The following ABI1 variants were observed in gnomAD, a reference collection of about 807,000 sequenced individuals.
ABI1 encodes the protein abl interactor 1.
ABI1 carries 14 observed loss-of-function variants against 54.6 expected under a neutral mutation model. The ratio of observed to expected loss-of-function variants is 0.26; its 90% CI spans 0.17 to 0.40. The LOEUF is 0.40. Among genes scored for constraint, ABI1 ranks in the 10% least tolerant of loss-of-function variants. The probability of loss-of-function intolerance (pLI) is 1.00; values close to 1 mark genes in which losing one functional copy is unlikely to be tolerated. For missense variants in ABI1, 443 were observed against 598.3 expected, an observed-to-expected ratio of 0.74 and a Z score of 2.71; for synonymous variants, 194 against 209.3, an observed-to-expected ratio of 0.93 and a Z score of 0.63.
intron 1 of ABI1, among the ~76,000 whole-genome samples, chr10:26,859,254 T>A (rs2051101233): frequency 6.6e-6 from 1 of 151,500 alleles, no homozygotes; most frequent in African/African-American, 2.4e-5. Flanking sequence ...GAAAAAAAAA[T>A]TGTGAAGATA....
At chr10:26,847,641 A>C (rs2050079395) in intron 1 of ABI1, among the ~76,000 whole-genome samples, 1 of 151,922 alleles carries the variant, frequency 6.6e-6, no homozygotes, top group East Asian at 1.9e-4. Flanking sequence ...AACAAGCAAA[A>C]TTTGATTATT....
Position 26,819,787 on chromosome 10 carries a change from T to TG in ABI1, c.285+3350dup, listed in dbSNP as rs533820684. Among the ~76,000 whole-genome samples, 7 of 152,194 alleles carry TG rather than the reference T, an allele frequency of 4.6e-5. 1 individual carries two copies. The highest frequency in any genetic ancestry group is 1.2e-4 in the African/African-American group (5 of 41,518). ...CTATCAATGGATGAATAGGAAAATATGGGGGGGATATACATATACATTTAT... is the reference window on the plus strand; with the variant it reads ...CTATCAATGGATGAATAGGAAAATATGGGGGGGGATATACATATACATTTAT... On this transcript the variant is annotated intron_variant, in intron 2 of 10. Transcript: ENST00000376140.
intron 1 of ABI1, among the ~76,000 whole-genome samples, chr10:26,842,373 A>G (rs1442390912): frequency 6.6e-6 from 1 of 152,230 alleles, no homozygotes; most frequent in African/African-American, 2.4e-5. Flanking sequence ...CCCAGACCAT[A>G]GGTTGTTACA....
intron 1 of ABI1, among the ~76,000 whole-genome samples, chr10:26,841,882 C>T (rs946336220): frequency 2.0e-5 from 3 of 152,160 alleles, no homozygotes; most frequent in South Asian, 2.1e-4. Flanking sequence ...ATGTAAATAA[C>T]ACTGCAATGA....
intron 1 of ABI1, among the ~76,000 whole-genome samples, chr10:26,855,183 C>A (rs1317648829): frequency 1.3e-5 from 2 of 152,200 alleles, no homozygotes. Flanking sequence ...TAGTTGAACA[C>A]TTCAAATGCC....
intron 1 of ABI1, among the ~76,000 whole-genome samples, chr10:26,834,216 C>T (rs1029644271): frequency 2.0e-5 from 3 of 151,730 alleles, no homozygotes; most frequent in African/African-American, 4.8e-5. Flanking sequence ...GGCGACAGAG[C>T]GAGATTCCAT....
Position 26,765,275 on chromosome 10 carries a change from T to C in ABI1, c.763A>G (p.Ser255Gly), listed in dbSNP as rs771562690. 6.3e-7 allele frequency: 1 copy of C among 1,596,936 alleles called. No homozygotes were observed. Among genetic ancestry groups the C allele is most frequent in the African/African-American group, 1.4e-5 (1 of 73,760 alleles). ...GSGSRENSGS[S>G]SIGIPIAVPT... is the part of the protein sequence containing the mutation. ...ACAGCAATGGGAATGCCAATACTAC[T>C]GCTACCACTGTTTTCTCGACTTCCA... is the stretch of plus-strand genomic sequence containing the variant. The change falls in exon 7 of 11, where the codon AGT (serine) becomes GGT (glycine). Residue 255 changes from serine (S) to glycine (G), a missense_variant. Physicochemically the swap from Ser to Gly is moderately conservative, Grantham distance 56 (BLOSUM62 0). This residue lies in a region of ABI1 where 394 missense variants were observed against 484.8 expected (regional missense o/e 0.81). Transcript: ENST00000376140.
chr10:26,783,382 AC>A (rs1158724148), intron 2 of ABI1, among the ~76,000 whole-genome samples: 1 of 152,234 alleles, frequency 6.6e-6, no homozygotes, highest in Non-Finnish European at 1.5e-5. Flanking sequence ...TGGTTGCTCA[AC>A]ATTGTAACTA....
rs72794104 is a variant in ABI1 at position 26,810,606 on chromosome 10, G to C, written c.285+12532C>G. 3.6e-3 allele frequency among the ~76,000 whole-genome samples: 552 copies of C among 152,206 alleles called. 2 individuals carry two copies. Among genetic ancestry groups the C allele is most frequent in the Non-Finnish European group, 6.0e-3 (409 of 68,020 alleles). Reference sequence around the variant, plus strand: ...AACGACTCAACTTTGCCATGTGTCAGCAAAAGCAGCCGTAACAATATGTAA... The same window carrying C: ...AACGACTCAACTTTGCCATGTGTCACCAAAAGCAGCCGTAACAATATGTAA... On this transcript the variant is annotated intron_variant, in intron 2 of 10. Transcript: ENST00000376140.
At chr10:26,813,114 T>C (rs897224236) in intron 2 of ABI1, among the ~76,000 whole-genome samples, 13 of 152,014 alleles carry the variant, frequency 8.6e-5, no homozygotes, top group Non-Finnish European at 1.2e-4. Context: ...CTAGGTGTGG[T>C]GGTGCACACC....
At chr10:26,779,920 T>C (rs1042740178) in intron 2 of ABI1, among the ~76,000 whole-genome samples, 2 of 152,166 alleles carry the variant, frequency 1.3e-5, no homozygotes, top group African/African-American at 4.8e-5. Flanking sequence ...GGTAATTCAC[T>C]GAAGAATCAG....
At chr10:26,801,242 T>C (rs7905878) in intron 2 of ABI1, among the ~76,000 whole-genome samples, 3,095 of 152,132 alleles carry the variant, frequency 0.02, 75 homozygotes, top group African/African-American at 0.065. Context: ...AATGTATTTG[T>C]TTCTAGAAAA....
At chr10:26,837,218 T>C (rs1382084520) in intron 1 of ABI1, among the ~76,000 whole-genome samples, 1 of 152,182 alleles carries the variant, frequency 6.6e-6, no homozygotes, top group Non-Finnish European at 1.5e-5. Context: ...GGCCAGGAAG[T>C]CCACAATCAA....
rs992332414 is a variant in ABI1 at position 26,748,340 on chromosome 10, A to G, written c.*230T>C. 2 of 385,252 alleles carry G rather than the reference A, an allele frequency of 5.2e-6. No individual in the cohort carries two copies. The highest frequency in any genetic ancestry group is 9.4e-6 in the Non-Finnish European group (2 of 213,708). The allele number at this position is 385,252 out of a possible 1,614,324, so 23.9% of individuals were successfully genotyped here. On this transcript the variant is annotated 3_prime_UTR_variant, in exon 11 of 11. Transcript: ENST00000376140. ...TCATAAAGTTAAAAATGTGTAAGTAAGTACATAAGCATAATCAGTTATGGA... is the reference window on the plus strand; with the variant it reads ...TCATAAAGTTAAAAATGTGTAAGTAGGTACATAAGCATAATCAGTTATGGA...
chr10:26,844,822 G>C (rs1168727036), intron 1 of ABI1, among the ~76,000 whole-genome samples: 1 of 152,156 alleles, frequency 6.6e-6, no homozygotes, highest in Non-Finnish European at 1.5e-5. Flanking sequence ...CTTCACCAAG[G>C]CTTGCTGATT....
At chr10:26,818,039 G>A (rs758046851) in intron 2 of ABI1, among the ~76,000 whole-genome samples, 1 of 150,840 alleles carries the variant, frequency 6.6e-6, no homozygotes, top group African/African-American at 2.4e-5. Context: ...CATGCCCGAA[G>A]TCCCAGCTAC....
At chr10:26,748,871 G>C (rs1002212935) in intron 10 of ABI1, 126 bp from the exon 11 acceptor site, 3 of 504,084 alleles carry the variant, frequency 6.0e-6, no homozygotes, top group Non-Finnish European at 9.7e-6. Flanking sequence ...CTTAATTTTT[G>C]TATCTATCAA....
At chr10:26,790,760 C>G (rs1306001334) in intron 2 of ABI1, 8 of 152,084 alleles carry the variant, frequency 5.3e-5, no homozygotes, top group African/African-American at 1.7e-4. Context: ...TTGGGTAATG[C>G]AAGAGGCATA....
chr10:26,758,465 A>G (rs1838642565), intron 8 of ABI1, among the ~76,000 whole-genome samples: 1 of 152,234 alleles, frequency 6.6e-6, no homozygotes, highest in African/African-American at 2.4e-5. Flanking sequence ...ACCAGCTTTT[A>G]AACACTGACT....
Sources: gnomAD v4.1 joint callset for allele counts (sites outside exome capture counted in the v4.1 genomes callset) on GRCh38, gnomAD v4.1.1 for gene constraint, gnomAD v4.1.1 regional missense constraint, MANE v1.5 for transcripts, NCBI Gene and HGNC (gene_info 2026-07-23, HGNC 2026-07-21) for gene names.